Variants in SYT14 observed in about 807,000 individuals in gnomAD.
SYT14 encodes synaptotagmin 14.
A neutral mutation model predicts 74.2 loss-of-function variants in SYT14; 32 were observed. The observed-to-expected ratio is 0.43, with a 90% CI of 0.33 to 0.58. The LOEUF is 0.58. SYT14 is among the 20% of genes least tolerant of loss of function. The pLI is 0.05. For missense variants in SYT14, 791 were observed against 981.8 expected (o/e 0.81, Z 2.60); for synonymous variants, 298 against 337.7 (o/e 0.88, Z 1.29).
At chr1:210,017,510 C>A (rs2080211269) in intron 4 of SYT14, among the ~76,000 whole-genome samples, 1 of 152,062 alleles carries the variant, frequency 6.6e-6, no homozygotes, top group Admixed American at 6.6e-5. Context: ...TTGCATCTAT[C>A]CAAATTTATA....
At chr1:209,967,422 A>G (rs2079173192) in intron 2 of SYT14, among the ~76,000 whole-genome samples, 1 of 152,164 alleles carries the variant, frequency 6.6e-6, no homozygotes, top group African/African-American at 2.4e-5. Flanking sequence ...TTCACTAGAG[A>G]AGCCACCTAG....
At chr1:210,141,211 A>G (rs969739915) in intron 7 of SYT14, among the ~76,000 whole-genome samples, 4 of 152,162 alleles carry the variant, frequency 2.6e-5, no homozygotes, top group Non-Finnish European at 5.9e-5. Flanking sequence ...ATTTCTTTCA[A>G]AAGTGTCTTG....
intron 2 of SYT14, among the ~76,000 whole-genome samples, chr1:209,969,489 T>TC (rs1373654591): frequency 2.7e-5 from 4 of 146,536 alleles, no homozygotes; most frequent in Admixed American, 2.0e-4. Flanking sequence ...TTTCTTTCTT[T>TC]TTTTTTTTTT....
chr1:210,063,961 A>G (rs10863808), intron 5 of SYT14, among the ~76,000 whole-genome samples: 19,240 of 151,846 alleles, frequency 0.13, 3,827 homozygotes, highest in African/African-American at 0.43. Flanking sequence ...GTTTCTTATA[A>G]ATCTCTTTAG....
At chr1:209,949,290 C>T (rs2078872625) in intron 1 of SYT14, among the ~76,000 whole-genome samples, 1 of 152,086 alleles carries the variant, frequency 6.6e-6, no homozygotes. Flanking sequence ...AAAAGGAACA[C>T]TAGGCTGGGC....
intron 5 of SYT14, among the ~76,000 whole-genome samples, chr1:210,051,470 CAT>C (rs1349105761): frequency 6.6e-6 from 1 of 152,104 alleles, no homozygotes; most frequent in Non-Finnish European, 1.5e-5. Context: ...TAAATAAAAA[CAT>C]ATACTCAGAT....
chr1:210,031,280 T>TA (rs1166478771), intron 5 of SYT14, among the ~76,000 whole-genome samples: 2 of 152,146 alleles, frequency 1.3e-5, no homozygotes, highest in Non-Finnish European at 2.9e-5. Context: ...ATACCTGGAA[T>TA]AAAACCCAGT....
chr1:210,016,869 C>G, exon 4 of SYT14: 2 of 1,231,692 alleles, frequency 1.6e-6, no homozygotes, highest in Non-Finnish European at 2.0e-6. Context: ...GATATTTTGA[C>G]AAGCAATAGG....
intron 5 of SYT14, among the ~76,000 whole-genome samples, chr1:210,025,413 A>G (rs763805178): frequency 1.4e-4 from 22 of 152,246 alleles, no homozygotes; most frequent in Non-Finnish European, 2.9e-4. Context: ...ACACAAGTTT[A>G]CAAAGGTTAA....
At chr1:210,077,315 C>G (rs2081521014) in intron 5 of SYT14, among the ~76,000 whole-genome samples, 1 of 152,100 alleles carries the variant, frequency 6.6e-6, no homozygotes, top group African/African-American at 2.4e-5. Context: ...CAAAGACAGC[C>G]CCGAGCCGTG....
intron 3 of SYT14, among the ~76,000 whole-genome samples, chr1:210,015,342 A>G (rs1023884164): frequency 5.3e-5 from 8 of 152,174 alleles, no homozygotes. Context: ...GGATCCCTTG[A>G]AAATGTCTCA....
chr1:209,951,321 C>T (rs1285329135), intron 1 of SYT14, among the ~76,000 whole-genome samples: 1 of 152,136 alleles, frequency 6.6e-6, no homozygotes, highest in African/African-American at 2.4e-5. Flanking sequence ...TGGTAACCAC[C>T]ATTCTACTCT....
chr1:209,952,184 A>G (rs2078922636), intron 1 of SYT14, among the ~76,000 whole-genome samples: 1 of 152,084 alleles, frequency 6.6e-6, no homozygotes, highest in South Asian at 2.1e-4. Context: ...ACTCTTTCCA[A>G]AAAAGAATAA....
At chr1:210,074,651 A>G (rs1414310224) in intron 5 of SYT14, among the ~76,000 whole-genome samples, 1 of 152,118 alleles carries the variant, frequency 6.6e-6, no homozygotes, top group African/African-American at 2.4e-5. Context: ...AAAGCAATAC[A>G]TTTTTTCCCA....
chr1:210,096,251 T>C (rs933793938), intron 6 of SYT14, among the ~76,000 whole-genome samples: 7 of 152,214 alleles, frequency 4.6e-5, no homozygotes, highest in African/African-American at 1.7e-4. Flanking sequence ...ATTGCCTTTT[T>C]TGATCCAAAA....
chr1:210,055,608 G>A (rs2081081174), intron 5 of SYT14, among the ~76,000 whole-genome samples: 1 of 151,790 alleles, frequency 6.6e-6, no homozygotes, highest in Non-Finnish European at 1.5e-5. Context: ...CTTGAAGCCA[G>A]GAGTTCGAGA....
intron 5 of SYT14, among the ~76,000 whole-genome samples, chr1:210,071,587 A>C (rs935558481): frequency 6.6e-6 from 1 of 152,056 alleles, no homozygotes; most frequent in Admixed American, 6.5e-5. Context: ...TAAAAGGATA[A>C]GTCACAAAAG....
intron 7 of SYT14, among the ~76,000 whole-genome samples, chr1:210,139,756 C>G (rs917575511): frequency 3.9e-5 from 6 of 152,028 alleles, no homozygotes; most frequent in Non-Finnish European, 8.8e-5. Context: ...TGTTTGATGA[C>G]TTTTACTTAG....
intron 7 of SYT14, among the ~76,000 whole-genome samples, chr1:210,109,102 T>C (rs1170623786): frequency 6.6e-6 from 1 of 151,266 alleles, no homozygotes; most frequent in Non-Finnish European, 1.5e-5. Context: ...GAATCAAATT[T>C]ACAAGAAAAA....
Sources: allele counts gnomAD v4.1 joint callset (sites outside exome capture counted in the v4.1 genomes callset), GRCh38; gene constraint gnomAD v4.1.1; transcripts MANE v1.5; gene names NCBI Gene and HGNC (gene_info 2026-07-23, HGNC 2026-07-21).